The following CDK5RAP2 variants were observed in gnomAD, a reference collection of about 807,000 sequenced individuals.
The protein encoded by CDK5RAP2 is CDK5 regulatory subunit associated protein 2.
CDK5RAP2 carries 147 observed loss-of-function variants against 232.9 expected under a neutral mutation model. That is an observed-to-expected ratio of 0.63 (90% CI 0.55 to 0.72). CDK5RAP2 has a LOEUF of 0.72. CDK5RAP2 is among the 30% of genes least tolerant of loss of function. The pLI is 0.00. For missense variants in CDK5RAP2, 2,195 were observed against 2,231.5 expected, an observed-to-expected ratio of 0.98 and a Z score of 0.33; for synonymous variants, 833 against 833.7, an observed-to-expected ratio of 1.00 and a Z score of 0.01.
In CDK5RAP2 at chr9:120,518,409, G is replaced by A. The variant is rs1210122254; in HGVS notation, c.1311+18C>T. On this transcript the variant is annotated intron_variant, in intron 12 of 37. Coordinates refer to ENST00000349780, the MANE Select transcript of CDK5RAP2 (RefSeq NM_018249.6). ...AAAAGCACTGTCCACTGTGTCAGAA[G>A]GGCAGGGCGGTACTCACACGGATGG... The A allele has an allele frequency of 1.9e-6, 3 of 1,605,952 alleles. No individual in the cohort carries two copies. Among genetic ancestry groups the A allele is most frequent in the Admixed American group, 1.7e-5 (1 of 59,934 alleles).
At chr9:120,443,149 C>T (rs559282182) in intron 23 of CDK5RAP2, among the ~76,000 whole-genome samples, 181 of 152,292 alleles carry the variant, frequency 1.2e-3, no homozygotes, top group African/African-American at 4.3e-3. Context: ...TTCCACTGAT[C>T]TGCCTGGCAA....
chr9:120,440,085 C>T (rs1042635487), intron 23 of CDK5RAP2, 113 bp from the exon 24 acceptor site: 11 of 852,540 alleles, frequency 1.3e-5, no homozygotes, highest in Admixed American at 2.0e-5. Context: ...ACAAGCCTCC[C>T]TCAAAAAGGC....
rs1047768010 is a variant in CDK5RAP2, at chr9:120,453,459, G to T, written c.2790C>A (p.Asn930Lys). The change falls in exon 21 of 38, where the codon AAC becomes AAA. Residue 930 changes from asparagine to lysine, a missense_variant. Transcript: ENST00000349780. ...ATTATTACATGGAAAAACTTACTCT[G>T]TTGGTAATACCAGGGAGGGAAAGGA... ...AALLSLPGIT[N>K]REAKKSRLPI... 7 of 1,607,776 alleles carry T rather than the reference G, an allele frequency of 4.4e-6. No homozygotes were observed. In the African/African-American group the frequency reaches 8.0e-5, roughly 18 times the overall value.
intron 22 of CDK5RAP2, among the ~76,000 whole-genome samples, chr9:120,447,124 T>G (rs1000160226): frequency 1.3e-5 from 2 of 152,192 alleles, no homozygotes; most frequent in Non-Finnish European, 2.9e-5. Flanking sequence ...GTTGTTCTTG[T>G]TATGGTGCTG....
rs762491964 is a variant in CDK5RAP2, at chr9:120,448,117, T to C, written c.2803A>G (p.Lys935Glu). ...LPGITNREAK[K>E]SRLPILIKPS... is the part of the protein sequence containing the mutation. ...TTTATTAGGATTGGCAAGCGGGACT[T>C]CTTAGCCTCCTGAAAACACACATAT... The change falls in exon 22 of 38, where the codon AAG becomes GAG. Residue 935 changes from lysine (K) to glutamate (E), a missense_variant. By Grantham distance (56) the Lys-to-Glu change is moderately conservative. Transcript: ENST00000349780. The C allele has an allele frequency of 6.2e-7, 1 of 1,613,504 alleles. No homozygotes were observed. The highest frequency in any genetic ancestry group is 8.5e-7 in the Non-Finnish European group (1 of 1,179,408).
chr9:120,487,477 GA>G (rs751337003), intron 13 of CDK5RAP2, 40 bp from the exon 14 acceptor site: 33 of 1,482,272 alleles, frequency 2.2e-5, no homozygotes, highest in East Asian at 4.7e-5. Context: ...TTGTCATCAA[GA>G]AAAAAAATAT....
rs759771013 is a variant in CDK5RAP2 at position 120,527,863 on chromosome 9, T to C, written c.942A>G (p.Leu314=). 2.0e-5 allele frequency: 33 copies of C among 1,613,734 alleles called. No individual in the cohort carries two copies. The East Asian group carries it at 6.9e-4, about 34-fold the overall frequency. Residue 314 remains leucine, a synonymous_variant, in exon 10 of 38, where the codon CTA becomes CTG. Coordinates refer to ENST00000349780, the MANE Select transcript of CDK5RAP2 (RefSeq NM_018249.6). ...AACCCTGAATGGCTTTATCCCTCTT[T>C]AGACTATTTTTCTTCTCTGTAGCAA... ...REIATEKKNS[L]KRDKAIQGLT...
intron 20 of CDK5RAP2, among the ~76,000 whole-genome samples, chr9:120,457,122 G>A (rs990716545): frequency 4.6e-5 from 7 of 152,240 alleles, no homozygotes; most frequent in African/African-American, 7.2e-5. Context: ...CTGTGAGAGG[G>A]GGATTTTTTA....
Position 120,533,797 on chromosome 9 carries a change from T to TGA in CDK5RAP2, c.662+2574_662+2575insTC, listed in dbSNP as rs1554775540. 2.3e-4 allele frequency among the ~76,000 whole-genome samples: 12 copies of TGA among 52,716 alleles called. 1 individual carries two copies. Among genetic ancestry groups the TGA allele is most frequent in the South Asian group, 7.5e-4 (1 of 1,330 alleles). The allele number at this position is 52,716 out of a possible 152,430, so 34.6% of individuals were successfully genotyped here. Reference sequence around the variant, plus strand: ...TGGAGGACAGAGTTAAGACTCCATCTAAAAAAAAAAAAAAAAAAAAAAAAA... The same window carrying TGA: ...TGGAGGACAGAGTTAAGACTCCATCTGAAAAAAAAAAAAAAAAAAAAAAAAAA... On this transcript the variant is annotated intron_variant, in intron 7 of 37. Transcript: ENST00000349780.
At chr9:120,535,479 C>G (rs1022368104) in intron 7 of CDK5RAP2, among the ~76,000 whole-genome samples, 2 of 152,186 alleles carry the variant, frequency 1.3e-5, no homozygotes, top group Non-Finnish European at 2.9e-5. Flanking sequence ...GAAAAAGGAG[C>G]CAGTCAGTAT....
In CDK5RAP2 at chr9:120,395,908, A is replaced by G. The variant is rs115880366; in HGVS notation, c.5452-1270T>C. On this transcript the variant is annotated intron_variant, in intron 35 of 37. Coordinates refer to ENST00000349780, the MANE Select transcript of CDK5RAP2 (RefSeq NM_018249.6). ...GAGGAACACAGTCTAGAAGAATTCTATATTCAAATTGCTTTGCAAGTGTCT... is the reference window on the plus strand; with the variant it reads ...GAGGAACACAGTCTAGAAGAATTCTGTATTCAAATTGCTTTGCAAGTGTCT... 1.5e-3 allele frequency among the ~76,000 whole-genome samples: 231 copies of G among 152,362 alleles called. 1 individual carries two copies. Among genetic ancestry groups the G allele is most frequent in the African/African-American group, 5.1e-3 (211 of 41,584 alleles).
intron 14 of CDK5RAP2, among the ~76,000 whole-genome samples, chr9:120,479,068 T>C (rs1277084375): frequency 6.6e-6 from 1 of 152,198 alleles, no homozygotes; most frequent in African/African-American, 2.4e-5. Context: ...AGACCCAGTT[T>C]GGAAAGGCTC....
chr9:120,507,364 T>C (rs2039862453), intron 12 of CDK5RAP2, among the ~76,000 whole-genome samples: 1 of 152,130 alleles, frequency 6.6e-6, no homozygotes, highest in African/African-American at 2.4e-5. Flanking sequence ...AAACTGAAGT[T>C]CAAAGACTTC....
intron 31 of CDK5RAP2, chr9:120,408,128 A>C: frequency 3.4e-6 from 2 of 589,848 alleles, no homozygotes; most frequent in Non-Finnish European, 6.1e-6. Context: ...GGGAACCCGG[A>C]CCTCGGCTGG....
intron 32 of CDK5RAP2, among the ~76,000 whole-genome samples, chr9:120,404,941 C>T (rs1042047193): frequency 1.3e-5 from 2 of 152,194 alleles, no homozygotes; most frequent in African/African-American, 4.8e-5. Context: ...CACTGTAATT[C>T]AGATTTCATG....
chr9:120,536,533 T>A lies in CDK5RAP2; in HGVS notation c.508-7A>T, dbSNP rs765376962. 4.3e-6 allele frequency: 7 copies of A among 1,613,554 alleles called. No individual in the cohort carries two copies. Among genetic ancestry groups the A allele is most frequent in the Non-Finnish European group, 5.9e-6 (7 of 1,179,766 alleles). ...CCTGGGCGGCTGTCACATCCTAGAG[T>A]CAAATTAAATGCATTTGATGCAATT... On this transcript the variant is annotated splice_region_variant and splice_polypyrimidine_tract_variant and intron_variant, in intron 6 of 37. Coordinates refer to ENST00000349780, the MANE Select transcript of CDK5RAP2 (RefSeq NM_018249.6).
intron 12 of CDK5RAP2, among the ~76,000 whole-genome samples, chr9:120,512,175 C>T (rs1248664448): frequency 6.6e-6 from 1 of 152,132 alleles, no homozygotes; most frequent in African/African-American, 2.4e-5. Context: ...ATAGCAAAAC[C>T]CTTTCTCTAC....
At chr9:120,464,834 T>C (rs554610628) in intron 18 of CDK5RAP2, among the ~76,000 whole-genome samples, 1 of 152,120 alleles carries the variant, frequency 6.6e-6, no homozygotes, top group Admixed American at 6.5e-5. Flanking sequence ...AAGGGCTTTA[T>C]AAATCATGTA....
Position 120,389,188 on chromosome 9 carries a change from C to T in CDK5RAP2, c.*48G>A, listed in dbSNP as rs758762499. 24 of 1,492,094 alleles carry T rather than the reference C, an allele frequency of 1.6e-5. No homozygotes were observed. Among genetic ancestry groups the T allele is most frequent in the Non-Finnish European group, 2.1e-5 (23 of 1,074,876 alleles). 92.4% of individuals were successfully genotyped at this position (1,492,094 alleles called of 1,614,324 possible). The stretch of plus-strand genomic sequence containing the variant: ...AACCACACTTGGAACAAAGAGACAG[C>T]GTGAGCTCGGTGGGGGAAGCACAAG... On this transcript the variant is annotated 3_prime_UTR_variant, in exon 38 of 38. Coordinates refer to ENST00000349780, the MANE Select transcript of CDK5RAP2 (RefSeq NM_018249.6).
Sources: gnomAD v4.1 joint callset for allele counts (sites outside exome capture counted in the v4.1 genomes callset) on GRCh38, gnomAD v4.1.1 for gene constraint, MANE v1.5 for transcripts, NCBI Gene and HGNC (gene_info 2026-07-23, HGNC 2026-07-21) for gene names.